Variants in RASIP1 observed in about 807,000 individuals in gnomAD.
RASIP1 encodes the protein ras-interacting protein 1.
A neutral mutation model predicts 85.3 loss-of-function variants in RASIP1; 20 were observed. The observed-to-expected ratio is 0.23, with a 90% CI of 0.17 to 0.34. RASIP1 has a LOEUF of 0.34. Ranked by LOEUF, RASIP1 falls within the 10% of genes least tolerant of loss-of-function variation. RASIP1 has a pLI of 1.00. For missense variants in RASIP1, 1,170 were observed against 1,390.9 expected, an observed-to-expected ratio of 0.84 and a Z score of 2.53; for synonymous variants, 617 against 647.1, an observed-to-expected ratio of 0.95 and a Z score of 0.71.
At chr19:48,722,750 G>A (rs1179452698) in intron 10 of RASIP1, among the ~76,000 whole-genome samples, 1 of 152,082 alleles carries the variant, frequency 6.6e-6, no homozygotes, top group Non-Finnish European at 1.5e-5. Flanking sequence ...CTTCCGGCAG[G>A]TCACCGTCCC....
At chr19:48,732,845 T>C (rs439523) in intron 4 of RASIP1, among the ~76,000 whole-genome samples, 74,417 of 151,976 alleles carry the variant, frequency 0.49, 19,333 homozygotes, top group Middle Eastern at 0.63. Context: ...CCTAACCCAA[T>C]TGGATCTTTC....
chr19:48,740,113 C>T lies in RASIP1; in HGVS notation c.137+33G>A, dbSNP rs779417753. 3 of 1,542,008 alleles carry T rather than the reference C, an allele frequency of 1.9e-6. No individual in the cohort carries two copies. Among genetic ancestry groups the T allele is most frequent in the African/African-American group, 2.8e-5 (2 of 70,462 alleles). ...CAGGGACAGATGGGAAGCAGGTGTGCAGGGGCAGGAGTCCTGCAGAGATGG... is the reference window on the plus strand; with the variant it reads ...CAGGGACAGATGGGAAGCAGGTGTGTAGGGGCAGGAGTCCTGCAGAGATGG... On this transcript the variant is annotated intron_variant, in intron 2 of 11. Coordinates refer to ENST00000222145, the MANE Select transcript of RASIP1 (RefSeq NM_017805.3). This position sits in a 1 kb window ranked among gnomAD's most constrained non-coding sequence, Gnocchi z 5.5.
At chr19:48,737,628 C>T in intron 3 of RASIP1, 1 of 985,452 alleles carries the variant, frequency 1.0e-6, no homozygotes, top group Non-Finnish European at 1.2e-6. Flanking sequence ...CCTGTATTCA[C>T]TCACTCTGCA....
chr19:48,733,535 G>A (rs180772814), intron 4 of RASIP1, among the ~76,000 whole-genome samples: 147 of 152,316 alleles, frequency 9.7e-4, no homozygotes, highest in African/African-American at 3.1e-3. Flanking sequence ...GCCGGGAGCG[G>A]TGGCTCACGC....
chr19:48,731,735 C>T (rs1599742614), intron 4 of RASIP1, among the ~76,000 whole-genome samples: 1 of 152,278 alleles, frequency 6.6e-6, no homozygotes, highest in Middle Eastern at 3.4e-3. Flanking sequence ...ATGGGTGTTT[C>T]CAAAAAGACT....
chr19:48,735,437 C>A lies in RASIP1; in HGVS notation c.938G>T (p.Gly313Val), dbSNP rs776912733. ...GTGSGAPAGS[G>V]GKERSENLSL... ...CAAGTTTTCTGAGCGCTCCTTGCCT[C>A]CAGACCCAGCTGGGGCCCCTGATCC... The change falls in exon 4 of 12, where the codon GGA (glycine) becomes GTA (valine). Residue 313 changes from glycine to valine, a missense_variant. Gly to Val is a moderately radical substitution (Grantham distance 109, BLOSUM62 -3). Around this residue, in one of 4 missense-constraint regions of RASIP1, gnomAD observed 301 missense variants for 294.8 expected, o/e 1.02. Coordinates refer to ENST00000222145, the MANE Select transcript of RASIP1 (RefSeq NM_017805.3). The A allele has an allele frequency of 1.2e-4, 188 of 1,604,696 alleles. No homozygotes were observed. Among genetic ancestry groups the A allele is most frequent in the Middle Eastern group, 1.0e-3 (6 of 5,738 alleles).
intron 3 of RASIP1, chr19:48,737,745 C>T: frequency 1.0e-6 from 1 of 985,242 alleles, no homozygotes; most frequent in Non-Finnish European, 1.2e-6. Context: ...TCACCACATG[C>T]CACCACTCCT....
At position 48,740,562 on chromosome 19, in the gene RASIP1, G is replaced by A; in HGVS notation, c.-46C>T. Reference sequence around the variant, plus strand: ...CACACCCGGAGGCCCTGGCTCCACTGGCCTGGGTCAGTTCCACTGCTCTTG... The same window carrying A: ...CACACCCGGAGGCCCTGGCTCCACTAGCCTGGGTCAGTTCCACTGCTCTTG... On this transcript the variant is annotated 5_prime_UTR_variant, in exon 1 of 12. Coordinates refer to ENST00000222145, the MANE Select transcript of RASIP1 (RefSeq NM_017805.3). The surrounding 1 kb of genome is among the most constrained non-coding windows in gnomAD (Gnocchi z 5.5). 9 of 1,388,690 alleles carry A rather than the reference G, an allele frequency of 6.5e-6. No individual in the cohort carries two copies. Among genetic ancestry groups the A allele is most frequent in the Non-Finnish European group, 8.4e-6 (9 of 1,076,400 alleles). 86.0% of individuals were successfully genotyped at this position (1,388,690 alleles called of 1,614,324 possible).
chr19:48,720,852 C>G lies in RASIP1; in HGVS notation c.2838G>C (p.Gln946His). The change falls in exon 12 of 12, where the codon CAG becomes CAC. Residue 946 changes from glutamine (Q) to histidine (H), a missense_variant. Gln to His is a conservative substitution (Grantham distance 24, BLOSUM62 0). Coordinates refer to ENST00000222145, the MANE Select transcript of RASIP1 (RefSeq NM_017805.3). Reference sequence around the variant, plus strand: ...GGCGATAATTGGCTGGCAGCTCCTGCTGCTCAAGATCCCAGAGGAGGCGGC... The same window carrying G: ...GGCGATAATTGGCTGGCAGCTCCTGGTGCTCAAGATCCCAGAGGAGGCGGC... ...RLRRLLWDLE[Q>H]QELPANYRHG... is the part of the protein sequence containing the mutation. 1 of 1,614,068 alleles carries G rather than the reference C, an allele frequency of 6.2e-7. No homozygotes were observed. The highest frequency in any genetic ancestry group is 1.1e-5 in the South Asian group (1 of 91,092).
At chr19:48,722,968 C>T (rs1227516045) in intron 10 of RASIP1, among the ~76,000 whole-genome samples, 1 of 152,136 alleles carries the variant, frequency 6.6e-6, no homozygotes, top group Non-Finnish European at 1.5e-5. Context: ...TCACTGCAGC[C>T]TCAACCTCCT....
Position 48,738,990 on chromosome 19 carries a change from G to A in RASIP1, c.793C>T (p.Gln265Ter). The A allele has an allele frequency of 8.1e-7, 1 of 1,239,592 alleles. No individual in the cohort carries two copies. The highest frequency in any genetic ancestry group is 1.0e-6 in the Non-Finnish European group (1 of 996,038). The allele number at this position is 1,239,592 out of a possible 1,614,324, so 76.8% of individuals were successfully genotyped here. ...RGREEARRLEQEAFGAADSEG... is the reference protein window; with the variant it reads ...RGREEARRLE ...CTGTCCGCGGCCCCGAAGGCCTCCTGCTCCAGGCGCCGCGCCTCCTCGCGG... is the reference window on the plus strand; with the variant it reads ...CTGTCCGCGGCCCCGAAGGCCTCCTACTCCAGGCGCCGCGCCTCCTCGCGG... Residue 265 changes from glutamine (Q) to a stop codon, truncating the protein, a stop_gained, in exon 3 of 12, where the codon CAG becomes TAG. Transcript: ENST00000222145. LOFTEE classifies it high-confidence loss of function. The surrounding 1 kb of genome is among the most constrained non-coding windows in gnomAD (Gnocchi z 4.0).
At chr19:48,729,641 C>A (rs2033411085) in intron 4 of RASIP1, 51 bp from the exon 5 acceptor site, 1 of 1,504,102 alleles carries the variant, frequency 6.6e-7, no homozygotes, top group Non-Finnish European at 9.0e-7. Flanking sequence ...TCCATATCTT[C>A]AGATCTGTTC....
At position 48,720,862 on chromosome 19, in the gene RASIP1, T is replaced by G; in HGVS notation, c.2828A>C (p.Asp943Ala). 1 of 1,613,936 alleles carries G rather than the reference T, an allele frequency of 6.2e-7. No individual in the cohort carries two copies. The highest frequency in any genetic ancestry group is 1.1e-5 in the South Asian group (1 of 91,070). ...GGCTGGCAGCTCCTGCTGCTCAAGA[T>G]CCCAGAGGAGGCGGCGGAGCCTACG... ...ELRRLRRLLW[D>A]LEQQELPANY... is the part of the protein sequence containing the mutation. The change falls in exon 12 of 12, where the codon GAT becomes GCT. Residue 943 changes from aspartate to alanine, a missense_variant. Physicochemically the swap from Asp to Ala is moderately radical, Grantham distance 126. Coordinates refer to ENST00000222145, the MANE Select transcript of RASIP1 (RefSeq NM_017805.3).
At chr19:48,722,629 T>C (rs1431579885) in intron 10 of RASIP1, among the ~76,000 whole-genome samples, 1 of 152,138 alleles carries the variant, frequency 6.6e-6, no homozygotes, top group Non-Finnish European at 1.5e-5. Context: ...TATATCTGTT[T>C]GACAATGTCT....
intron 8 of RASIP1, among the ~76,000 whole-genome samples, chr19:48,726,157 C>T (rs1220840180): frequency 1.3e-5 from 2 of 152,218 alleles, no homozygotes; most frequent in Admixed American, 6.5e-5. Flanking sequence ...AAACTCCTGA[C>T]CTCGCGGTCT....
chr19:48,729,426 G>A lies in RASIP1; in HGVS notation c.1344C>T (p.Ala448=). The change falls in exon 5 of 12, where the codon GCC becomes GCT. Residue 448 remains alanine, a synonymous_variant. Transcript: ENST00000222145. ...GGGCGCCCCGGGACGGGCGCACCAT[G>A]GCCGGGTGCTCAGGGCCCGCGCGCA... The part of the protein sequence containing the change: ...CTVRAGPEHP[A]MVRPSRGAPV... 2 of 1,560,460 alleles carry A rather than the reference G, an allele frequency of 1.3e-6. No individual in the cohort carries two copies. The highest frequency in any genetic ancestry group is 8.7e-7 in the Non-Finnish European group (1 of 1,152,986).
chr19:48,726,161 G>A (rs1275661582), intron 8 of RASIP1, among the ~76,000 whole-genome samples: 1 of 151,966 alleles, frequency 6.6e-6, no homozygotes, highest in Non-Finnish European at 1.5e-5. Context: ...TCCTGACCTC[G>A]CGGTCTGCCC....
rs775110580 is a variant in RASIP1 at position 48,727,483 on chromosome 19, A to C, written c.1834-53T>G. The C allele has an allele frequency of 4.6e-5, 72 of 1,563,412 alleles. 1 individual carries two copies. Among genetic ancestry groups the C allele is most frequent in the South Asian group, 3.3e-4 (30 of 89,724 alleles). On this transcript the variant is annotated intron_variant, in intron 5 of 11. Transcript: ENST00000222145. ...GTGAGGGGGATCCACTGAGGGGCTTAAGAGTTAATACCCTGGTTTTTATAG... is the reference window on the plus strand; with the variant it reads ...GTGAGGGGGATCCACTGAGGGGCTTCAGAGTTAATACCCTGGTTTTTATAG...
intron 10 of RASIP1, among the ~76,000 whole-genome samples, chr19:48,723,491 C>T (rs945180166): frequency 3.0e-5 from 4 of 135,590 alleles, no homozygotes; most frequent in African/African-American, 8.3e-5. Context: ...ACTCGGGAGG[C>T]GGAGGTTGGA....
Sources: allele counts gnomAD v4.1 joint callset (sites outside exome capture counted in the v4.1 genomes callset), GRCh38; gene constraint gnomAD v4.1.1; regional missense constraint gnomAD v4.1.1; non-coding constraint Gnocchi (gnomAD v3.1); transcripts MANE v1.5; gene names NCBI Gene and HGNC (gene_info 2026-07-23, HGNC 2026-07-21).